Variants in CCSER1 observed in about 807,000 individuals in gnomAD.
CCSER1 encodes coiled-coil serine rich protein 1, also known as serine-rich coiled-coil domain-containing protein 1.
CCSER1 carries 41 observed loss-of-function variants against 82.0 expected under a neutral mutation model. That is an observed-to-expected ratio of 0.50 (90% CI 0.39 to 0.65). CCSER1 has a LOEUF of 0.65. CCSER1 is among the 30% of genes least tolerant of loss of function. The probability of loss-of-function intolerance (pLI) is 0.00; values close to 1 mark genes in which losing one functional copy is unlikely to be tolerated. For synonymous variants in CCSER1, 414 were observed against 383.9 expected, an observed-to-expected ratio of 1.08 and a Z score of -0.92; for missense variants, 1,119 against 1,064.2, an observed-to-expected ratio of 1.05 and a Z score of -0.72.
At chr4:90,853,990 A>C (rs1364254486) in intron 8 of CCSER1, among the ~76,000 whole-genome samples, 1 of 152,196 alleles carries the variant, frequency 6.6e-6, no homozygotes, top group African/African-American at 2.4e-5. Flanking sequence ...TATGCATGTC[A>C]AAAGGAAAGT....
Position 90,308,718 on chromosome 4 carries a change from A to T in CCSER1, c.434A>T (p.Lys145Met). ...AGGGAAAAAGAGCACTCAACTAACAAGAATGTCTTTATAAATTGTCTAAGT... is the reference window on the plus strand; with the variant it reads ...AGGGAAAAAGAGCACTCAACTAACATGAATGTCTTTATAAATTGTCTAAGT... ...FEREKEHSTN[K>M]NVFINCLSSG... The change falls in exon 2 of 11, where the codon AAG becomes ATG. Residue 145 changes from lysine (K) to methionine (M), a missense_variant. Lys to Met is a moderately conservative substitution (Grantham distance 95). Transcript: ENST00000509176. The T allele has an allele frequency of 2.5e-6, 4 of 1,613,696 alleles. No homozygotes were observed. The highest frequency in any genetic ancestry group is 2.5e-6 in the Non-Finnish European group (3 of 1,179,800).
intron 8 of CCSER1, among the ~76,000 whole-genome samples, chr4:90,895,557 A>T (rs1723581840): frequency 6.6e-6 from 1 of 152,008 alleles, no homozygotes; most frequent in Non-Finnish European, 1.5e-5. Context: ...TGCAGGAATC[A>T]AACTAGTTTT....
chr4:90,158,349 C>T (rs10212942), intron 1 of CCSER1, among the ~76,000 whole-genome samples: 1 of 151,980 alleles, frequency 6.6e-6, no homozygotes, highest in South Asian at 2.1e-4. Context: ...TTGAGGAGGC[C>T]GTCTGCCCGT....
intron 10 of CCSER1, among the ~76,000 whole-genome samples, chr4:91,227,614 T>C (rs191485127): frequency 2.0e-5 from 3 of 151,808 alleles, no homozygotes; most frequent in Admixed American, 2.0e-4. Context: ...AGTGAAACCA[T>C]CACCCAAATA....
chr4:91,294,870 T>G (rs1466151342), intron 10 of CCSER1, among the ~76,000 whole-genome samples: 1 of 151,934 alleles, frequency 6.6e-6, no homozygotes, highest in African/African-American at 2.4e-5. Flanking sequence ...TACATATATT[T>G]TGGGAGTGTG....
intron 8 of CCSER1, among the ~76,000 whole-genome samples, chr4:90,910,744 C>T (rs150575207): frequency 1.3e-5 from 2 of 152,242 alleles, no homozygotes; most frequent in African/African-American, 4.8e-5. Flanking sequence ...AGTCTTGACC[C>T]ATTTTTTAAA....
intron 3 of CCSER1, among the ~76,000 whole-genome samples, chr4:90,318,146 A>G (rs1736503089): frequency 6.6e-6 from 1 of 152,206 alleles, no homozygotes; most frequent in African/African-American, 2.4e-5. Context: ...GGTTGAAAAG[A>G]TGAAAACATC....
At chr4:91,358,389 A>C (rs1222760564) in intron 10 of CCSER1, among the ~76,000 whole-genome samples, 7 of 92,446 alleles carry the variant, frequency 7.6e-5, no homozygotes, top group East Asian at 3.7e-4. Flanking sequence ...TGCCTGACCC[A>C]CGTTGTTTTT....
In CCSER1 at chr4:91,578,829, A is replaced by G. The variant is rs370919022; in HGVS notation, c.2218-19743A>G. 1.2e-4 allele frequency among the ~76,000 whole-genome samples: 19 copies of G among 152,038 alleles called. No homozygotes were observed. In the South Asian group the frequency reaches 2.5e-3, roughly 20 times the overall value. ...GTAGAATGTGGTTCAGGTGTTTGTT[A>G]TTAGGTTGATATGCAAATGAGTTAT... On this transcript the variant is annotated intron_variant, in intron 10 of 10. Coordinates refer to ENST00000509176, the MANE Select transcript of CCSER1 (RefSeq NM_001145065.2).
intron 4 of CCSER1, among the ~76,000 whole-genome samples, chr4:90,423,630 A>G (rs900194776): frequency 6.6e-6 from 1 of 151,988 alleles, no homozygotes; most frequent in Non-Finnish European, 1.5e-5. Context: ...AAGAGCCACT[A>G]TGCCCGGCTA....
chr4:90,544,567 T>C (rs1390844858), intron 5 of CCSER1, among the ~76,000 whole-genome samples: 2 of 151,916 alleles, frequency 1.3e-5, no homozygotes, highest in African/African-American at 4.8e-5. Flanking sequence ...GTGTCCAGAG[T>C]TTCTGTGGAG....
In CCSER1 at chr4:90,932,991, A is replaced by G. The variant is rs1465476291; in HGVS notation, c.2172+9544A>G. Among the ~76,000 whole-genome samples, 117 of 38,928 alleles carry G rather than the reference A, an allele frequency of 3.0e-3. 32 individuals are homozygous for G. The highest frequency in any genetic ancestry group is 4.3e-3 in the Non-Finnish European group (85 of 19,964). 25.5% of individuals were successfully genotyped at this position (38,928 alleles called of 152,430 possible). On this transcript the variant is annotated intron_variant, in intron 9 of 10. Coordinates refer to ENST00000509176, the MANE Select transcript of CCSER1 (RefSeq NM_001145065.2). The stretch of plus-strand genomic sequence containing the variant: ...GAAAGAAAGAAAGAAAGAGAAAGAA[A>G]GAAAGAAAGAAAGAAAGAAAGAAAG...
chr4:91,585,971 G>A (rs1040462423), intron 10 of CCSER1, among the ~76,000 whole-genome samples: 1 of 151,668 alleles, frequency 6.6e-6, no homozygotes, highest in Non-Finnish European at 1.5e-5. Flanking sequence ...TGGCATATGT[G>A]TGAAGGCACA....
chr4:90,899,044 A>G (rs915380904), intron 8 of CCSER1, among the ~76,000 whole-genome samples: 1 of 151,910 alleles, frequency 6.6e-6, no homozygotes. Context: ...ATGTGTAGTC[A>G]TTTTAACAAC....
intron 3 of CCSER1, among the ~76,000 whole-genome samples, chr4:90,398,608 G>A (rs138923464): frequency 1.7e-3 from 264 of 152,150 alleles, no homozygotes; most frequent in Non-Finnish European, 3.2e-3. Context: ...TTTTTAGTAC[G>A]ACAGCTTATC....
intron 4 of CCSER1, among the ~76,000 whole-genome samples, chr4:90,416,956 C>T (rs143107464): frequency 5.1e-3 from 770 of 152,186 alleles, no homozygotes; most frequent in Middle Eastern, 0.01. Flanking sequence ...GAACAGAAAA[C>T]CAAACACCAC....
In CCSER1 at chr4:91,598,955, C is replaced by G. The variant is rs769906196; in HGVS notation, c.2601C>G (p.Pro867=). Residue 867 remains proline, a synonymous_variant, in exon 11 of 11, where the codon CCC becomes CCG. Coordinates refer to ENST00000509176, the MANE Select transcript of CCSER1 (RefSeq NM_001145065.2). Reference sequence around the variant, plus strand: ...TTACAGGCAGGTTTGGACAGCCACCCAGAGGGCCAATCTCTTTACACATGT... The same window carrying G: ...TTACAGGCAGGTTTGGACAGCCACCGAGAGGGCCAATCTCTTTACACATGT... ...STFTGRFGQP[P]RGPISLHMYS... 4.5e-6 allele frequency: 7 copies of G among 1,551,538 alleles called. No homozygotes were observed. In the South Asian group the frequency reaches 8.3e-5, roughly 18 times the overall value.
chr4:90,309,519 C>T lies in CCSER1; in HGVS notation c.1235C>T (p.Pro412Leu), dbSNP rs1734923410. Residue 412 changes from proline to leucine, a missense_variant, in exon 2 of 11, where the codon CCT becomes CTT. Pro to Leu is a moderately conservative substitution (Grantham distance 98, BLOSUM62 -3). Coordinates refer to ENST00000509176, the MANE Select transcript of CCSER1 (RefSeq NM_001145065.2). The part of the protein sequence containing the change: ...AIAEHVKGIH[P>L]ISDSKIIPTS... ...GCGGAACATGTAAAAGGGATCCATC[C>T]TATTTCAGATTCAAAGATAATACCT... 6.2e-7 allele frequency: 1 copy of T among 1,613,278 alleles called. No individual in the cohort carries two copies. Among genetic ancestry groups the T allele is most frequent in the Admixed American group, 1.7e-5 (1 of 59,958 alleles).
intron 6 of CCSER1, among the ~76,000 whole-genome samples, chr4:90,652,929 C>T (rs776685191): frequency 6.6e-5 from 10 of 152,006 alleles, no homozygotes; most frequent in Non-Finnish European, 1.5e-4. Context: ...TGAAGGCTTC[C>T]GTGTATGCAT....
Sources: gnomAD v4.1 joint callset for allele counts (sites outside exome capture counted in the v4.1 genomes callset) on GRCh38, gnomAD v4.1.1 for gene constraint, MANE v1.5 for transcripts, NCBI Gene and HGNC (gene_info 2026-07-23, HGNC 2026-07-21) for gene names.